PTPRJ: variants seen among roughly 807,000 people sequenced by gnomAD.
The protein encoded by PTPRJ is receptor-type tyrosine-protein phosphatase eta.
A neutral mutation model predicts 141.3 loss-of-function variants in PTPRJ; 129 were observed. That is an observed-to-expected ratio of 0.91 (90% CI 0.79 to 1.06). The LOEUF is 1.06. Ranked by LOEUF, PTPRJ falls within the 50% of genes least tolerant of loss-of-function variation. The pLI is 0.00. For synonymous variants in PTPRJ, 610 were observed against 640.5 expected (o/e 0.95, Z 0.72); for missense variants, 1,601 against 1,679.7 (o/e 0.95, Z 0.82).
chr11:48,034,633 C>T (rs1342783926), intron 1 of PTPRJ, among the ~76,000 whole-genome samples: 1 of 151,992 alleles, frequency 6.6e-6, no homozygotes, highest in African/African-American at 2.4e-5. Context: ...TCACAGCAGC[C>T]CTAGGAGGTA....
intron 2 of PTPRJ, 69 bp from the exon 3 acceptor site, chr11:48,112,678 G>A: frequency 9.1e-7 from 1 of 1,103,544 alleles, no homozygotes; most frequent in South Asian, 1.3e-5. Context: ...TAAATATTTT[G>A]TGAGGTGGGG....
intron 1 of PTPRJ, among the ~76,000 whole-genome samples, chr11:48,063,558 T>G (rs1425456664): frequency 1.3e-5 from 2 of 152,212 alleles, no homozygotes; most frequent in African/African-American, 2.4e-5. Flanking sequence ...ATATGGGCAG[T>G]GTCCCAACAG....
chr11:47,992,290 C>T (rs1016520853), intron 1 of PTPRJ, among the ~76,000 whole-genome samples: 1 of 152,138 alleles, frequency 6.6e-6, no homozygotes, highest in Non-Finnish European at 1.5e-5. Context: ...TCTTGTGCCT[C>T]AGCCTCCTGA....
chr11:48,092,343 A>G (rs1855892872), intron 1 of PTPRJ, among the ~76,000 whole-genome samples: 1 of 150,008 alleles, frequency 6.7e-6, no homozygotes, highest in South Asian at 2.1e-4. Context: ...AAATGCAGGT[A>G]GGTGCTTCTA....
At chr11:47,995,109 T>C (rs1358210800) in intron 1 of PTPRJ, among the ~76,000 whole-genome samples, 1 of 152,240 alleles carries the variant, frequency 6.6e-6, no homozygotes, top group Admixed American at 6.5e-5. Context: ...TGATTAGTCT[T>C]ATAGTTTGTT....
In PTPRJ at chr11:48,163,612, A is replaced by G; in HGVS notation, c.3713A>G (p.His1238Arg). The G allele has an allele frequency of 6.2e-7, 1 of 1,612,916 alleles. No individual in the cohort carries two copies. Among genetic ancestry groups the G allele is most frequent in the Non-Finnish European group, 8.5e-7 (1 of 1,178,848 alleles). Residue 1238 changes from histidine (H) to arginine (R), a missense_variant, in exon 23 of 25, where the codon CAT becomes CGT. Transcript: ENST00000418331. ...CCTCCCGAATCGCCGATTCTGGTGC[A>G]TTGCAGGTACGCAGATGGCACGTCA... Reference protein sequence around the residue: ...QSPPESPILVHCSAGVGRTGT... With the variant: ...QSPPESPILVRCSAGVGRTGT...
intron 8 of PTPRJ, 121 bp downstream of exon 8, chr11:48,130,837 AT>A: frequency 8.7e-7 from 1 of 1,150,186 alleles, no homozygotes; most frequent in East Asian, 2.8e-5. Context: ...AACTTTAAAA[AT>A]TTTCATAACA....
At chr11:48,019,699 G>A (rs964616829) in intron 1 of PTPRJ, among the ~76,000 whole-genome samples, 1 of 152,248 alleles carries the variant, frequency 6.6e-6, no homozygotes, top group Middle Eastern at 3.4e-3. Flanking sequence ...AAGTTGATTT[G>A]CTTTTTAAAA....
At chr11:48,079,095 G>A (rs1855492928) in intron 1 of PTPRJ, among the ~76,000 whole-genome samples, 1 of 151,736 alleles carries the variant, frequency 6.6e-6, no homozygotes, top group African/African-American at 2.4e-5. Context: ...GGCCACACTG[G>A]AAGAAGAATT....
intron 22 of PTPRJ, among the ~76,000 whole-genome samples, chr11:48,160,268 T>C (rs1055466985): frequency 5.3e-5 from 8 of 152,236 alleles, no homozygotes; most frequent in African/African-American, 1.9e-4. Context: ...ACCTAAGTTA[T>C]TTCTGAATAA....
chr11:48,048,095 T>G (rs1435391114), intron 1 of PTPRJ, among the ~76,000 whole-genome samples: 4 of 152,174 alleles, frequency 2.6e-5, no homozygotes, highest in African/African-American at 7.2e-5. Context: ...GGGTTGCAGT[T>G]TAGTCTGCTG....
In PTPRJ at chr11:48,047,062, C is replaced by T. The variant is rs369084340; in HGVS notation, c.97-62996C>T. On this transcript the variant is annotated intron_variant, in intron 1 of 24. Transcript: ENST00000418331. The stretch of plus-strand genomic sequence containing the variant: ...TCCTGAGTAGCTGGGATTACAGGTG[C>T]GCACCACCACGCCTGGCTAATTTTT... 6.0e-3 allele frequency among the ~76,000 whole-genome samples: 909 copies of T among 151,102 alleles called. 13 individuals carry two copies. The highest frequency in any genetic ancestry group is 0.018 in the African/African-American group (757 of 41,204).
chr11:48,053,216 TATATTAA>T (rs1307499849), intron 1 of PTPRJ, among the ~76,000 whole-genome samples: 1 of 91,986 alleles, frequency 1.1e-5, no homozygotes, highest in East Asian at 2.5e-4. Context: ...TTATATATAA[TATATTAA>T]ATATATTATA....
Position 48,145,020 on chromosome 11 carries a change from C to T in PTPRJ, c.2807C>T (p.Thr936Ile). 2 of 1,614,158 alleles carry T rather than the reference C, an allele frequency of 1.2e-6. No individual in the cohort carries two copies. Among genetic ancestry groups the T allele is most frequent in the Non-Finnish European group, 1.7e-6 (2 of 1,180,028 alleles). The change falls in exon 14 of 25, where the codon ACC (threonine) becomes ATC (isoleucine). Residue 936 changes from threonine to isoleucine, a missense_variant. Thr to Ile is a moderately conservative substitution (Grantham distance 89). Coordinates refer to ENST00000418331, the MANE Select transcript of PTPRJ (RefSeq NM_002843.4). ...GSYRACVAGFTNITFHPQNKG... is the reference protein window; with the variant it reads ...GSYRACVAGFINITFHPQNKG... ...CACAGGGCTTGTGTGGCTGGCTTCA[C>T]CAACATTACCTTCCACCCTCAAAAC...
At chr11:47,988,810 C>T (rs535482483) in intron 1 of PTPRJ, among the ~76,000 whole-genome samples, 6 of 151,526 alleles carry the variant, frequency 4.0e-5, no homozygotes, top group Non-Finnish European at 8.8e-5. Flanking sequence ...GTCTGTTTCT[C>T]CATACCGTCT....
At position 48,158,157 on chromosome 11, in the gene PTPRJ, A is replaced by G. The variant is rs1857659193; in HGVS notation, c.3439-1773A>G. ...ACAGAGCAAGACTCTGTCTCAAAAC[A>G]AAACAAAACAAAAAAAGAAGAATGC... On this transcript the variant is annotated intron_variant, in intron 21 of 24. Transcript: ENST00000418331. This position sits in a 1 kb window ranked among gnomAD's most constrained non-coding sequence, Gnocchi z 4.4. 6.6e-6 allele frequency among the ~76,000 whole-genome samples: 1 copy of G among 152,222 alleles called. No individual in the cohort carries two copies. The highest frequency in any genetic ancestry group is 6.5e-5 in the Admixed American group (1 of 15,284).
In PTPRJ at chr11:48,136,276, A is replaced by T. The variant is rs745646284; in HGVS notation, c.1853A>T (p.Asn618Ile). The T allele has an allele frequency of 1.2e-6, 2 of 1,613,900 alleles. No homozygotes were observed. The highest frequency in any genetic ancestry group is 2.2e-5 in the South Asian group (2 of 91,076). Residue 618 changes from asparagine (N) to isoleucine (I), a missense_variant, in exon 9 of 25, where the codon AAC becomes ATC. Coordinates refer to ENST00000418331, the MANE Select transcript of PTPRJ (RefSeq NM_002843.4). ...GTGGACCACGTCTGGGGGGACCCCA[A>T]CTCCACTGCACAGTACACACGTAAG... ...PEVDHVWGDPNSTAQYTRPSN... is the reference protein window; with the variant it reads ...PEVDHVWGDPISTAQYTRPSN...
At chr11:47,998,984 C>T (rs1280419488) in intron 1 of PTPRJ, among the ~76,000 whole-genome samples, 1 of 152,210 alleles carries the variant, frequency 6.6e-6, no homozygotes, top group Non-Finnish European at 1.5e-5. Context: ...CAGCTGAGCT[C>T]ATTGCCATGC....
intron 1 of PTPRJ, among the ~76,000 whole-genome samples, chr11:48,098,279 C>G (rs1253975761): frequency 3.3e-5 from 5 of 152,230 alleles, no homozygotes; most frequent in Non-Finnish European, 7.3e-5. Flanking sequence ...ACGAGCTAGG[C>G]TCTGGTGGGT....
Sources: gnomAD v4.1 joint callset for allele counts (sites outside exome capture counted in the v4.1 genomes callset) on GRCh38, gnomAD v4.1.1 for gene constraint, Gnocchi (gnomAD v3.1) non-coding constraint, MANE v1.5 for transcripts, NCBI Gene and HGNC (gene_info 2026-07-23, HGNC 2026-07-21) for gene names.